GLIS3: variants seen among roughly 807,000 people sequenced by gnomAD.
GLIS3 encodes zinc finger protein GLIS3.
A neutral mutation model predicts 78.6 loss-of-function variants in GLIS3; 53 were observed. The observed-to-expected ratio is 0.67, with a 90% CI of 0.54 to 0.85. The LOEUF (loss-of-function observed/expected upper bound fraction) is 0.85. Among genes scored for constraint, GLIS3 ranks in the 40% least tolerant of loss-of-function variants. The probability of loss-of-function intolerance (pLI) is 0.00; values close to 1 mark genes in which losing one functional copy is unlikely to be tolerated. For synonymous variants in GLIS3, 684 were observed against 509.9 expected, an observed-to-expected ratio of 1.34 and a Z score of -4.60; for missense variants, 1,703 against 1,231.1, an observed-to-expected ratio of 1.38 and a Z score of -5.74.
In GLIS3 at chr9:4,159,030, G is replaced by GA. The variant is rs141412126; in HGVS notation, c.389-33090dup. ...GCTTGGTATGCTAGAGAAAGGAGAA[G>GA]AAGAAAAAAAAAAAAAAAAGCCAGG... On this transcript the variant is annotated intron_variant, in intron 2 of 10. Coordinates refer to ENST00000381971, the MANE Select transcript of GLIS3 (RefSeq NM_001042413.2). Among the ~76,000 whole-genome samples, 158 of 79,094 alleles carry GA rather than the reference G, an allele frequency of 2.0e-3. 8 individuals are homozygous for GA. The highest frequency in any genetic ancestry group is 4.5e-3 in the African/African-American group (93 of 20,596). 51.9% of individuals were successfully genotyped at this position (79,094 alleles called of 152,430 possible).
the GLIS3 span, among the ~76,000 whole-genome samples, chr9:4,484,354 C>T: frequency 1.3e-5 from 2 of 150,256 alleles, no homozygotes; most frequent in Non-Finnish European, 2.9e-5. Context: ...TATCCTGCCT[C>T]AGCCTCCCGA....
intron 9 of GLIS3, among the ~76,000 whole-genome samples, chr9:3,839,151 T>G (rs1014085353): frequency 5.3e-5 from 8 of 152,234 alleles, no homozygotes. Flanking sequence ...TGTTCCCATT[T>G]TAGACAATGA....
intron 4 of GLIS3, among the ~76,000 whole-genome samples, chr9:4,062,981 G>A (rs1466669333): frequency 6.6e-6 from 1 of 151,410 alleles, no homozygotes; most frequent in South Asian, 2.1e-4. Flanking sequence ...GTATGCAAAC[G>A]ACACAAATTC....
intron 4 of GLIS3, among the ~76,000 whole-genome samples, chr9:3,956,028 CAA>C (rs5896037): frequency 0.21 from 18,533 of 87,302 alleles, 871 homozygotes; most frequent in East Asian, 0.26. Flanking sequence ...CCAGATTCAG[CAA>C]AAAAAAAAAA....
At chr9:4,038,058 A>G (rs998173378) in intron 4 of GLIS3, among the ~76,000 whole-genome samples, 3 of 152,174 alleles carry the variant, frequency 2.0e-5, no homozygotes, top group African/African-American at 7.2e-5. Flanking sequence ...TGGAACTTTA[A>G]TGAGGGAGAA....
chr9:4,380,190 C>T, the GLIS3 span, among the ~76,000 whole-genome samples: 1 of 152,180 alleles, frequency 6.6e-6, no homozygotes, highest in East Asian at 1.9e-4. Flanking sequence ...TTGACTCTTC[C>T]TTAAGAAGTT....
chr9:3,987,761 C>CAAAAAAAAAAAAAAAAAAAAAAAAAAA (rs60986898), intron 4 of GLIS3, among the ~76,000 whole-genome samples: 2 of 10,474 alleles, frequency 1.9e-4, no homozygotes, highest in East Asian at 3.8e-3. Flanking sequence ...CTGGATTTGG[C>CAAAAAAAAAAAAAAAAAAAAAAAAAAA]AAAAAAAAAA....
At chr9:3,832,250 G>T (rs1485227795) in intron 9 of GLIS3, among the ~76,000 whole-genome samples, 1 of 150,320 alleles carries the variant, frequency 6.7e-6, no homozygotes, top group Non-Finnish European at 1.5e-5. Context: ...ATATATGTTT[G>T]CTAAATAAAA....
intron 4 of GLIS3, among the ~76,000 whole-genome samples, chr9:4,021,482 CG>C (rs1200626395): frequency 6.6e-6 from 1 of 152,088 alleles, no homozygotes; most frequent in African/African-American, 2.4e-5. Context: ...TCACAGAATA[CG>C]GCAATCTGTA....
chr9:3,840,008 G>T (rs551655506), intron 9 of GLIS3, among the ~76,000 whole-genome samples: 76 of 152,222 alleles, frequency 5.0e-4, no homozygotes, highest in South Asian at 1.2e-3. Context: ...TTGGATTTGT[G>T]TCTGAATCCC....
At chr9:4,006,842 C>T (rs61183463) in intron 4 of GLIS3, among the ~76,000 whole-genome samples, 2,839 of 152,234 alleles carry the variant, frequency 0.019, 97 homozygotes, top group African/African-American at 0.064. Flanking sequence ...GATGAAGGAA[C>T]GGTTCTATCA....
At chr9:4,186,997 T>G (rs893878107) in intron 2 of GLIS3, among the ~76,000 whole-genome samples, 9 of 152,324 alleles carry the variant, frequency 5.9e-5, no homozygotes, top group East Asian at 3.9e-4. Flanking sequence ...CTCTTTAGTT[T>G]AATTAGATCC....
chr9:4,113,397 A>T (rs1564066586), intron 4 of GLIS3, among the ~76,000 whole-genome samples: 1 of 152,168 alleles, frequency 6.6e-6, no homozygotes, highest in East Asian at 1.9e-4. Context: ...CAACCTTACT[A>T]GGTATTACCA....
chr9:4,227,527 T>C (rs1040731820), intron 2 of GLIS3, among the ~76,000 whole-genome samples: 1 of 152,140 alleles, frequency 6.6e-6, no homozygotes, highest in East Asian at 1.9e-4. Flanking sequence ...AAATTCTCTG[T>C]GTGCTGTAGT....
At chr9:4,145,479 A>G (rs1834150165) in intron 2 of GLIS3, among the ~76,000 whole-genome samples, 1 of 152,222 alleles carries the variant, frequency 6.6e-6, no homozygotes, top group African/African-American at 2.4e-5. Context: ...TGATTGGAAC[A>G]ACATGATCTA....
At chr9:3,841,286 G>A (rs1351002708) in intron 9 of GLIS3, among the ~76,000 whole-genome samples, 3 of 152,190 alleles carry the variant, frequency 2.0e-5, no homozygotes, top group East Asian at 1.9e-4. Context: ...ATGGTTCAGT[G>A]AGTCCTGATG....
At chr9:4,095,132 C>T (rs1470327895) in intron 4 of GLIS3, among the ~76,000 whole-genome samples, 3 of 152,118 alleles carry the variant, frequency 2.0e-5, no homozygotes, top group Non-Finnish European at 4.4e-5. Context: ...CTTATTCCTC[C>T]TATCTAGCTG....
intron 4 of GLIS3, among the ~76,000 whole-genome samples, chr9:3,958,615 G>T (rs1563891999): frequency 6.6e-6 from 1 of 152,188 alleles, no homozygotes; most frequent in Non-Finnish European, 1.5e-5. Flanking sequence ...TGGGCTGGAC[G>T]CTGTGTAGGA....
chr9:4,177,574 G>C (rs1223496345), intron 2 of GLIS3, among the ~76,000 whole-genome samples: 1 of 152,148 alleles, frequency 6.6e-6, no homozygotes, highest in African/African-American at 2.4e-5. Context: ...AGGAACCCTA[G>C]AGTTTCAAAT....
Sources: allele counts gnomAD v4.1 joint callset (sites outside exome capture counted in the v4.1 genomes callset), GRCh38; gene constraint gnomAD v4.1.1; transcripts MANE v1.5; gene names NCBI Gene and HGNC (gene_info 2026-07-23, HGNC 2026-07-21).